PCNX2: variants seen among roughly 807,000 people sequenced by gnomAD.
PCNX2 encodes the protein pecanex-like protein 2.
PCNX2 carries 168 observed loss-of-function variants against 223.8 expected under a neutral mutation model. The observed-to-expected ratio is 0.75, with a 90% CI of 0.66 to 0.85. The LOEUF (loss-of-function observed/expected upper bound fraction) is 0.85, where lower values mean the gene tolerates loss of function less well. Ranked by LOEUF, PCNX2 falls within the 40% of genes least tolerant of loss-of-function variation. PCNX2 has a pLI of 0.00. For missense variants in PCNX2, 2,507 were observed against 2,675.5 expected, an observed-to-expected ratio of 0.94 and a Z score of 1.39; for synonymous variants, 1,006 against 1,052.6, an observed-to-expected ratio of 0.96 and a Z score of 0.86.
At chr1:233,242,567 G>A (rs1391964235) in intron 8 of PCNX2, among the ~76,000 whole-genome samples, 4 of 152,172 alleles carry the variant, frequency 2.6e-5, no homozygotes. Context: ...GTTATAGATT[G>A]TCCATAGAAG....
intron 5 of PCNX2, among the ~76,000 whole-genome samples, chr1:233,255,022 T>C (rs1333570744): frequency 6.6e-6 from 1 of 152,112 alleles, no homozygotes; most frequent in Admixed American, 6.6e-5. Context: ...TTCATAAACG[T>C]AGAACTCTGA....
chr1:233,083,424 G>C (rs1380973312), intron 23 of PCNX2, among the ~76,000 whole-genome samples: 1 of 152,160 alleles, frequency 6.6e-6, no homozygotes, highest in African/African-American at 2.4e-5. Context: ...TCAATGAAGA[G>C]CTCACAGCTG....
Position 233,135,211 on chromosome 1 carries a change from G to C in PCNX2, c.3660-21C>G, listed in dbSNP as rs1279064551. On this transcript the variant is annotated intron_variant, in intron 20 of 33. Transcript: ENST00000258229. The stretch of plus-strand genomic sequence containing the variant: ...CCCAGCTGTTGGAAACAAAAGAAAA[G>C]ATGCAATCAATGACAGTGTGCACAC... The C allele has an allele frequency of 4.4e-6, 7 of 1,607,166 alleles. No individual in the cohort carries two copies. In the East Asian group the frequency reaches 1.6e-4, roughly 36 times the overall value.
rs190664449 is a variant in PCNX2, at chr1:233,289,252, C to T, written c.153+6074G>A. ...TTCTGGAAAGATTTCAGTTGAGGAA[C>T]GGGAACAAAGATTATGATAGCTTTC... On this transcript the variant is annotated intron_variant, in intron 1 of 33. Coordinates refer to ENST00000258229, the MANE Select transcript of PCNX2 (RefSeq NM_014801.4). 9.9e-4 allele frequency: 951 copies of T among 957,712 alleles called. 1 individual carries two copies. The highest frequency in any genetic ancestry group is 1.8e-3 in the Admixed American group (109 of 59,220). 59.3% of individuals were successfully genotyped at this position (957,712 alleles called of 1,614,324 possible).
Position 233,103,696 on chromosome 1 carries a change from C to A in PCNX2, c.3838-7833G>T, listed in dbSNP as rs866241022. Among the ~76,000 whole-genome samples, 32 of 152,234 alleles carry A rather than the reference C, an allele frequency of 2.1e-4. No individual in the cohort carries two copies. The Middle Eastern group carries it at 0.01, about 49-fold the overall frequency. Reference sequence around the variant, plus strand: ...TCCATTTACCTATTGATGGACACCTCAGTTGCTTCCAAATCTTGGCTATTG... The same window carrying A: ...TCCATTTACCTATTGATGGACACCTAAGTTGCTTCCAAATCTTGGCTATTG... On this transcript the variant is annotated intron_variant, in intron 21 of 33. Coordinates refer to ENST00000258229, the MANE Select transcript of PCNX2 (RefSeq NM_014801.4).
intron 21 of PCNX2, among the ~76,000 whole-genome samples, chr1:233,112,434 G>A (rs1373259122): frequency 6.6e-6 from 1 of 152,224 alleles, no homozygotes; most frequent in East Asian, 1.9e-4. Flanking sequence ...CAGCAAGTGA[G>A]TCTAGAGTTG....
rs138615222 is a variant in PCNX2, at chr1:233,138,202, T to C, written c.3659+1512A>G. ...GGAGTTGAGGATATTCACAGCTATA[T>C]AGATAACGTGCACCTTTCTGACTTT... On this transcript the variant is annotated intron_variant, in intron 20 of 33. Coordinates refer to ENST00000258229, the MANE Select transcript of PCNX2 (RefSeq NM_014801.4). Among the ~76,000 whole-genome samples, 78 of 152,324 alleles carry C rather than the reference T, an allele frequency of 5.1e-4. No individual in the cohort carries two copies. In the East Asian group the frequency reaches 0.011, roughly 22 times the overall value.
intron 23 of PCNX2, among the ~76,000 whole-genome samples, chr1:233,064,049 T>A (rs1672501088): frequency 6.6e-6 from 1 of 152,138 alleles, no homozygotes; most frequent in South Asian, 2.1e-4. Context: ...TAAATATATA[T>A]ATGATTATTT....
At chr1:233,191,268 C>T (rs764723155) in intron 15 of PCNX2, among the ~76,000 whole-genome samples, 1 of 152,160 alleles carries the variant, frequency 6.6e-6, no homozygotes, top group African/African-American at 2.4e-5. Flanking sequence ...CAGTACCCAG[C>T]AGAGCTATTG....
At chr1:233,310,721 T>G in the PCNX2 span, among the ~76,000 whole-genome samples, 1 of 152,268 alleles carries the variant, frequency 6.6e-6, no homozygotes, top group South Asian at 2.1e-4. Flanking sequence ...AAAAGAGGTT[T>G]ATTTGGCTCA....
chr1:233,082,640 G>A lies in PCNX2; in HGVS notation c.4076+7421C>T, dbSNP rs532829579. ...TATTAACCCATAAGCCAGAATAAGC[G>A]GCCTGCTTTGTACTTAAGAAAAAAA... On this transcript the variant is annotated intron_variant, in intron 23 of 33. Coordinates refer to ENST00000258229, the MANE Select transcript of PCNX2 (RefSeq NM_014801.4). Among the ~76,000 whole-genome samples, 4 of 152,212 alleles carry A rather than the reference G, an allele frequency of 2.6e-5. No individual in the cohort carries two copies. In the South Asian group the frequency reaches 6.2e-4, roughly 24 times the overall value.
intron 19 of PCNX2, among the ~76,000 whole-genome samples, chr1:233,151,682 A>G (rs1162382779): frequency 6.6e-6 from 1 of 151,476 alleles, no homozygotes; most frequent in Admixed American, 6.6e-5. Context: ...TTATTTATTT[A>G]TTTATTTTTG....
chr1:233,198,999 A>G lies in PCNX2; in HGVS notation c.3006T>C (p.Ser1002=), dbSNP rs1444003828. The G allele has an allele frequency of 1.2e-6, 2 of 1,604,112 alleles. No homozygotes were observed. The highest frequency in any genetic ancestry group is 1.3e-5 in the African/African-American group (1 of 74,882). Residue 1002 remains serine (S), a synonymous_variant, in exon 15 of 34, where the codon AGT becomes AGC. Coordinates refer to ENST00000258229, the MANE Select transcript of PCNX2 (RefSeq NM_014801.4). ...CGGCAGCCAAGACGCTCCGGGCCAC[A>G]CTGTAAACAGCCGAGGTTATCCCAG... The part of the protein sequence containing the change: ...AVSGITSAVY[S]VARSVLAAAL...
At chr1:233,295,729 G>T (rs1331942292), upstream of PCNX2, 2 of 374,926 alleles carry the variant, frequency 5.3e-6, no homozygotes, top group South Asian at 1.0e-4. The surrounding 1 kb of genome is among the most constrained non-coding windows in gnomAD (Gnocchi z 4.1). Context: ...GAGGGAGGAA[G>T]GATTTTCCCA....
chr1:233,277,926 A>G (rs1660997648), intron 1 of PCNX2, among the ~76,000 whole-genome samples: 1 of 152,208 alleles, frequency 6.6e-6, no homozygotes. Context: ...ATGACTACTG[A>G]AAGATGAGGA....
chr1:233,181,538 C>T (rs1679802965), intron 15 of PCNX2, among the ~76,000 whole-genome samples: 1 of 152,176 alleles, frequency 6.6e-6, no homozygotes, highest in Non-Finnish European at 1.5e-5. Flanking sequence ...TTCTCCTTCC[C>T]CTTGATCCAG....
rs1675192344 is a variant in PCNX2, at chr1:233,112,845, T to G, written c.3838-16982A>C. The G allele has an allele frequency of 2.3e-6, 3 of 1,281,128 alleles. No individual in the cohort carries two copies. The African/African-American group carries it at 4.6e-5, about 20-fold the overall frequency. 79.4% of individuals were successfully genotyped at this position (1,281,128 alleles called of 1,614,324 possible). On this transcript the variant is annotated intron_variant, in intron 21 of 33. Coordinates refer to ENST00000258229, the MANE Select transcript of PCNX2 (RefSeq NM_014801.4). Reference sequence around the variant, plus strand: ...ATGGGGAGAAAAAGCTGACTCTTACTTTGAAGGCTGAAGGGCAGAGGAGTT... The same window carrying G: ...ATGGGGAGAAAAAGCTGACTCTTACGTTGAAGGCTGAAGGGCAGAGGAGTT...
rs554262148 is a variant in PCNX2, at chr1:233,209,475, A to C, written c.2692-786T>G. The stretch of plus-strand genomic sequence containing the variant: ...ATTTATAAGATTCAGGGGGAAAAAA[A>C]CAATGAAAATGAATTGGGAAAAATG... On this transcript the variant is annotated intron_variant, in intron 12 of 33. Coordinates refer to ENST00000258229, the MANE Select transcript of PCNX2 (RefSeq NM_014801.4). Among the ~76,000 whole-genome samples the C allele has an allele frequency of 1.1e-3, 162 of 152,348 alleles. 2 individuals are homozygous for C. In the South Asian group the frequency reaches 0.029, roughly 27 times the overall value.
At chr1:233,105,831 T>G (rs1185598555) in intron 21 of PCNX2, among the ~76,000 whole-genome samples, 2 of 152,198 alleles carry the variant, frequency 1.3e-5, no homozygotes, top group African/African-American at 2.4e-5. Context: ...TGCTAATTAG[T>G]GTATCCATAA....
Sources: gnomAD v4.1 joint callset for allele counts (sites outside exome capture counted in the v4.1 genomes callset) on GRCh38, gnomAD v4.1.1 for gene constraint, Gnocchi (gnomAD v3.1) non-coding constraint, MANE v1.5 for transcripts, NCBI Gene and HGNC (gene_info 2026-07-23, HGNC 2026-07-21) for gene names.